The following BMP5 variants were observed in gnomAD, a reference collection of about 807,000 sequenced individuals.
BMP5 encodes bone morphogenetic protein 5.
BMP5 carries 23 observed loss-of-function variants against 46.6 expected under a neutral mutation model. The ratio of observed to expected loss-of-function variants is 0.49; its 90% confidence interval spans 0.35 to 0.70. BMP5 has a LOEUF of 0.70. Among genes scored for constraint, BMP5 ranks in the 30% least tolerant of loss-of-function variants. The probability of loss-of-function intolerance (pLI) is 0.00; values close to 1 mark genes in which losing one functional copy is unlikely to be tolerated. For synonymous variants in BMP5, 204 were observed against 191.9 expected, an observed-to-expected ratio of 1.06 and a Z score of -0.52; for missense variants, 545 against 565.6, an observed-to-expected ratio of 0.96 and a Z score of 0.37.
At chr6:55,778,367 C>T (rs2127522984) in intron 3 of BMP5, among the ~76,000 whole-genome samples, 1 of 152,050 alleles carries the variant, frequency 6.6e-6, no homozygotes, top group Admixed American at 6.6e-5. Flanking sequence ...GATGTGCCAA[C>T]ATTTCAGTGA....
At chr6:55,757,758 T>C (rs141320427) in intron 6 of BMP5, among the ~76,000 whole-genome samples, 482 of 152,088 alleles carry the variant, frequency 3.2e-3, no homozygotes, top group African/African-American at 0.011. Context: ...ATTATCAAAA[T>C]GTATATTTGC....
chr6:55,790,442 T>C (rs1323223066), intron 3 of BMP5, among the ~76,000 whole-genome samples: 1 of 152,220 alleles, frequency 6.6e-6, no homozygotes, highest in African/African-American at 2.4e-5. Flanking sequence ...GGTGTTACTG[T>C]GATTGATTAA....
At chr6:55,851,241 CTG>C (rs1422268622) in intron 1 of BMP5, among the ~76,000 whole-genome samples, 1 of 151,172 alleles carries the variant, frequency 6.6e-6, no homozygotes, top group Non-Finnish European at 1.5e-5. Context: ...AGACAGGTCT[CTG>C]TGCTATTTTT....
chr6:55,770,901 G>A lies in BMP5; in HGVS notation c.1027+3148C>T, dbSNP rs73453355. Among the ~76,000 whole-genome samples, 1,463 of 151,926 alleles carry A rather than the reference G, an allele frequency of 9.6e-3. 22 individuals carry two copies. The highest frequency in any genetic ancestry group is 0.033 in the African/African-American group (1,377 of 41,484). Reference sequence around the variant, plus strand: ...AACATTTACTTCCCATCTTATATGGGTAAAATTTGTGGTGTCACAAAACAA... The same window carrying A: ...AACATTTACTTCCCATCTTATATGGATAAAATTTGTGGTGTCACAAAACAA... On this transcript the variant is annotated intron_variant, in intron 4 of 6. Transcript: ENST00000370830.
chr6:55,823,329 T>A (rs1213910354), intron 1 of BMP5, among the ~76,000 whole-genome samples: 1 of 152,064 alleles, frequency 6.6e-6, no homozygotes, highest in Non-Finnish European at 1.5e-5. Flanking sequence ...CACATCACAA[T>A]ACATAATCCA....
intron 1 of BMP5, 54 bp downstream of exon 1, chr6:55,874,322 G>A: frequency 6.2e-7 from 1 of 1,609,762 alleles, no homozygotes; most frequent in South Asian, 1.1e-5. Context: ...TTTACCATTA[G>A]GGAAAACTTC....
chr6:55,851,920 T>C (rs2127549947), intron 1 of BMP5, among the ~76,000 whole-genome samples: 1 of 152,316 alleles, frequency 6.6e-6, no homozygotes, highest in African/African-American at 2.4e-5. Flanking sequence ...AAAGGTATCT[T>C]GAGTGAATGA....
chr6:55,816,477 T>C (rs551685194), intron 2 of BMP5, among the ~76,000 whole-genome samples: 109 of 152,264 alleles, frequency 7.2e-4, no homozygotes, highest in African/African-American at 2.5e-3. Context: ...TAACATATTA[T>C]AGTATTCACT....
intron 1 of BMP5, among the ~76,000 whole-genome samples, chr6:55,828,543 A>G (rs1364954840): frequency 1.3e-5 from 2 of 151,890 alleles, no homozygotes; most frequent in African/African-American, 2.4e-5. Context: ...CACCCTAAGT[A>G]TATCAATAGT....
At chr6:55,784,782 C>T (rs1302020575) in intron 3 of BMP5, among the ~76,000 whole-genome samples, 2 of 151,728 alleles carry the variant, frequency 1.3e-5, no homozygotes, top group Admixed American at 6.6e-5. Flanking sequence ...TCAATTCTCT[C>T]CCTTATAATC....
chr6:55,779,031 C>T (rs1562033724), intron 3 of BMP5, among the ~76,000 whole-genome samples: 1 of 151,334 alleles, frequency 6.6e-6, no homozygotes, highest in Non-Finnish European at 1.5e-5. Context: ...TTTCAGACCA[C>T]TCCTTTTGGA....
Position 55,819,797 on chromosome 6 carries a change from G to A in BMP5, c.541C>T (p.Arg181Ter), listed in dbSNP as rs751770025. Residue 181 changes from arginine to a stop codon, truncating the protein, a stop_gained, in exon 2 of 7, where the codon CGA (arginine) becomes TGA (stop). Transcript: ENST00000370830. LOFTEE classifies it high-confidence loss of function. ...TGAGGAATTTGGGTAAGATCAAATC[G>A]AAATTCTTTGTAATGCCTTCGCTGG... is the stretch of plus-strand genomic sequence containing the variant. ...SHQRRHYKEF[R>*]FDLTQIPHGE... 5 of 1,613,638 alleles carry A rather than the reference G, an allele frequency of 3.1e-6. No homozygotes were observed. Among genetic ancestry groups the A allele is most frequent in the Admixed American group, 1.7e-5 (1 of 59,908 alleles).
chr6:55,802,234 C>T (rs977301135), intron 2 of BMP5, among the ~76,000 whole-genome samples: 1 of 152,138 alleles, frequency 6.6e-6, no homozygotes, highest in Non-Finnish European at 1.5e-5. Flanking sequence ...GTGTCCATGG[C>T]AATAGTTCTA....
At chr6:55,842,336 A>T (rs981372569) in intron 1 of BMP5, among the ~76,000 whole-genome samples, 13 of 151,958 alleles carry the variant, frequency 8.6e-5, no homozygotes, top group African/African-American at 3.1e-4. Flanking sequence ...AGTTCTCTCC[A>T]CCCTGATTGG....
chr6:55,768,957 A>G (rs372187220), intron 4 of BMP5, among the ~76,000 whole-genome samples: 2 of 151,970 alleles, frequency 1.3e-5, no homozygotes, highest in African/African-American at 4.8e-5. Flanking sequence ...ATTGGATTAT[A>G]TCTTTAAAAA....
chr6:55,801,426 T>C lies in BMP5; in HGVS notation c.684-6999A>G, dbSNP rs146472963. ...GGCGGCTAGAAAGTCAACTGCATCA[T>C]TGAAGTTGGAGACTTGGAGGTAGGT... On this transcript the variant is annotated intron_variant, in intron 2 of 6. Coordinates refer to ENST00000370830, the MANE Select transcript of BMP5 (RefSeq NM_021073.4). 1.6e-3 allele frequency among the ~76,000 whole-genome samples: 241 copies of C among 152,366 alleles called. 1 individual carries two copies. Among genetic ancestry groups the C allele is most frequent in the African/African-American group, 5.5e-3 (228 of 41,596 alleles).
At chr6:55,796,465 A>G (rs1041492122) in intron 2 of BMP5, among the ~76,000 whole-genome samples, 4 of 151,628 alleles carry the variant, frequency 2.6e-5, no homozygotes, top group Admixed American at 2.0e-4. Flanking sequence ...ATGTATATAT[A>G]TATATTTTTT....
chr6:55,786,301 A>G (rs1386330750), intron 3 of BMP5, among the ~76,000 whole-genome samples: 3 of 151,758 alleles, frequency 2.0e-5, no homozygotes. Context: ...CAATTGGCGT[A>G]CCATTCCATG....
rs576921258 is a variant in BMP5 at position 55,768,381 on chromosome 6, A to T, written c.1027+5668T>A. On this transcript the variant is annotated intron_variant, in intron 4 of 6. Transcript: ENST00000370830. ...TCATACTATGAGTACCCACACAAGCATTCTGTTTTTCACTTTCAGTAGAGT... is the reference window on the plus strand; with the variant it reads ...TCATACTATGAGTACCCACACAAGCTTTCTGTTTTTCACTTTCAGTAGAGT... Among the ~76,000 whole-genome samples the T allele has an allele frequency of 1.1e-4, 16 of 152,058 alleles. 1 individual carries two copies. In the South Asian group the frequency reaches 3.3e-3, roughly 32 times the overall value.
Sources: gnomAD v4.1 joint callset for allele counts (sites outside exome capture counted in the v4.1 genomes callset) on GRCh38, gnomAD v4.1.1 for gene constraint, MANE v1.5 for transcripts, NCBI Gene and HGNC (gene_info 2026-07-23, HGNC 2026-07-21) for gene names.